The following KIRREL1 variants were observed in gnomAD, a reference collection of about 807,000 sequenced individuals.
The protein encoded by KIRREL1 is kirre like nephrin family adhesion molecule 1, also known as kin of IRRE-like protein 1.
In KIRREL1, 25 loss-of-function variants were observed where a neutral mutation model predicts 83.3. The ratio of observed to expected loss-of-function variants is 0.30; its 90% CI spans 0.22 to 0.42. The LOEUF (loss-of-function observed/expected upper bound fraction) is 0.42. Ranked by LOEUF, KIRREL1 falls within the 10% of genes least tolerant of loss-of-function variation. KIRREL1 has a pLI of 1.00. For missense variants in KIRREL1, 812 were observed against 1,032.3 expected (o/e 0.79, Z 2.92); for synonymous variants, 388 against 410.4 (o/e 0.95, Z 0.66).
At chr1:158,058,125 G>A (rs977653309) in intron 1 of KIRREL1, among the ~76,000 whole-genome samples, 5 of 152,278 alleles carry the variant, frequency 3.3e-5, no homozygotes, top group African/African-American at 1.2e-4. Context: ...TGTGGCCTGC[G>A]GGTCTGGTCC....
rs1169855195 is a variant in KIRREL1, at chr1:158,097,341, T to C, written c.*2221T>C. On this transcript the variant is annotated 3_prime_UTR_variant, in exon 15 of 15. Transcript: ENST00000359209. ...CATGCATATTCCAAAAAGAATTCATTTTTGTTTTGGGTTTGGCTAGATTCT... is the reference window on the plus strand; with the variant it reads ...CATGCATATTCCAAAAAGAATTCATCTTTGTTTTGGGTTTGGCTAGATTCT... The C allele has an allele frequency of 3.3e-6, 1 of 304,626 alleles. No homozygotes were observed. The highest frequency in any genetic ancestry group is 9.1e-5 in the East Asian group (1 of 11,010). 18.9% of individuals were successfully genotyped at this position (304,626 alleles called of 1,614,324 possible). A position where few individuals can be genotyped will look rare whatever the true frequency, so the allele number is the denominator to read the frequency against.
At position 158,095,146 on chromosome 1, in the gene KIRREL1, C is replaced by T. The variant is rs1662323283; in HGVS notation, c.*26C>T. 1 of 1,501,894 alleles carries T rather than the reference C, an allele frequency of 6.7e-7. No individual in the cohort carries two copies. The highest frequency in any genetic ancestry group is 9.1e-7 in the Non-Finnish European group (1 of 1,098,370). 93.0% of individuals were successfully genotyped at this position (1,501,894 alleles called of 1,614,324 possible). On this transcript the variant is annotated 3_prime_UTR_variant, in exon 15 of 15. Transcript: ENST00000359209. ...GGGCCAGAGCCTGGCTGGGGCATCTCTGCGGGGCAGAGGAGAAGGCTTTCA... is the reference window on the plus strand; with the variant it reads ...GGGCCAGAGCCTGGCTGGGGCATCTTTGCGGGGCAGAGGAGAAGGCTTTCA...
At chr1:158,090,387 C>T (rs1405931273) in intron 10 of KIRREL1, among the ~76,000 whole-genome samples, 2 of 152,152 alleles carry the variant, frequency 1.3e-5, no homozygotes, top group Non-Finnish European at 2.9e-5. Flanking sequence ...TTTCTCCTCT[C>T]CCCCACACCA....
At chr1:158,087,688 T>A (rs759378002) in intron 5 of KIRREL1, 67 bp from the exon 6 acceptor site, 1 of 1,118,432 alleles carries the variant, frequency 8.9e-7, no homozygotes, top group Non-Finnish European at 1.3e-6. Flanking sequence ...TGAATGTACG[T>A]GTTAGGGAGG....
chr1:158,024,395 C>T (rs111865064), intron 1 of KIRREL1, among the ~76,000 whole-genome samples: 9 of 150,792 alleles, frequency 6.0e-5, no homozygotes, highest in African/African-American at 2.0e-4. Flanking sequence ...TTTCCTGCCT[C>T]GACCTCCCTA....
Position 158,095,221 on chromosome 1 carries a change from C to T in KIRREL1, c.*101C>T. The T allele has an allele frequency of 1.1e-6, 1 of 873,224 alleles. No individual in the cohort carries two copies. Among genetic ancestry groups the T allele is most frequent in the Non-Finnish European group, 1.7e-6 (1 of 581,486 alleles). 54.1% of individuals were successfully genotyped at this position (873,224 alleles called of 1,614,324 possible). A position where few individuals can be genotyped will look rare whatever the true frequency, so the allele number is the denominator to read the frequency against. On this transcript the variant is annotated 3_prime_UTR_variant, in exon 15 of 15. Transcript: ENST00000359209. The stretch of plus-strand genomic sequence containing the variant: ...CATTGCTCATTGCTCCCTTCTCGGA[C>T]CAGCCTTCTTCCTCCCACCATGGCA...
rs948236127 is a variant in KIRREL1, at chr1:158,099,104, C to G, written c.*3984C>G. 4 of 152,286 alleles carry G rather than the reference C, an allele frequency of 2.6e-5. No homozygotes were observed. Among genetic ancestry groups the G allele is most frequent in the Non-Finnish European group, 5.9e-5 (4 of 68,086 alleles). 9.4% of individuals were successfully genotyped at this position (152,286 alleles called of 1,614,324 possible). ...GAACTCCAGTTCCTCCCCAAGCACC[C>G]TGGCCTCAGAAATCCTGGCTTCCCC... On this transcript the variant is annotated 3_prime_UTR_variant, in exon 15 of 15. Transcript: ENST00000359209.
rs752185745 is a variant in KIRREL1, at chr1:158,087,772, C to G, written c.679C>G (p.Leu227Val). 43 of 1,613,780 alleles carry G rather than the reference C, an allele frequency of 2.7e-5. No homozygotes were observed. The highest frequency in any genetic ancestry group is 3.6e-5 in the Non-Finnish European group (43 of 1,179,856). The change falls in exon 6 of 15, where the codon CTG becomes GTG. Residue 227 changes from leucine to valine, a missense_variant. Around this residue, in one of 3 missense-constraint regions of KIRREL1, gnomAD observed 472 missense variants for 626.8 expected, o/e 0.75. Coordinates refer to ENST00000359209, the MANE Select transcript of KIRREL1 (RefSeq NM_018240.7). ...LDVHHPPTVT[L>V]SIEPQTVQEG... ...CTTTGCAGACCCTCCTACAGTGACC[C>G]TGTCCATTGAGCCACAGACGGTGCA...
chr1:158,044,941 G>A (rs569211054), intron 1 of KIRREL1, among the ~76,000 whole-genome samples: 3 of 152,334 alleles, frequency 2.0e-5, no homozygotes, highest in Non-Finnish European at 2.9e-5. Context: ...AGGGGAATCC[G>A]GAGTCTGGTG....
At chr1:158,044,742 G>A (rs917515737) in intron 1 of KIRREL1, among the ~76,000 whole-genome samples, 6 of 152,048 alleles carry the variant, frequency 3.9e-5, no homozygotes, top group Non-Finnish European at 5.9e-5. Flanking sequence ...CAAGTGATCC[G>A]CTCATCCCAA....
At chr1:158,064,798 T>A (rs1452934832) in intron 1 of KIRREL1, among the ~76,000 whole-genome samples, 1 of 151,810 alleles carries the variant, frequency 6.6e-6, no homozygotes, top group Non-Finnish European at 1.5e-5. Context: ...CCAGGGAGGG[T>A]TGATGTCTAC....
chr1:158,014,802 C>A (rs866849271), intron 1 of KIRREL1, among the ~76,000 whole-genome samples: 1 of 151,842 alleles, frequency 6.6e-6, no homozygotes, highest in African/African-American at 2.4e-5. Context: ...ATACGACAGG[C>A]AAGGCCCACC....
chr1:158,030,095 C>G (rs528498014), intron 1 of KIRREL1, among the ~76,000 whole-genome samples: 1 of 152,188 alleles, frequency 6.6e-6, no homozygotes, highest in East Asian at 1.9e-4. Flanking sequence ...GAAATTGAAG[C>G]CCAGAGAGAT....
chr1:158,019,729 C>A (rs779500326), intron 1 of KIRREL1, among the ~76,000 whole-genome samples: 1 of 152,100 alleles, frequency 6.6e-6, no homozygotes, highest in Non-Finnish European at 1.5e-5. Flanking sequence ...CTGAGCTTAA[C>A]CGCAGAGCAA....
chr1:158,084,635 C>T, intron 4 of KIRREL1, 56 bp downstream of exon 4: 2 of 1,525,550 alleles, frequency 1.3e-6, no homozygotes, highest in Non-Finnish European at 1.8e-6. Context: ...CTCACCTCTC[C>T]TTTCCCACAG....
chr1:158,034,884 T>C (rs1250100144), intron 1 of KIRREL1, among the ~76,000 whole-genome samples: 1 of 152,220 alleles, frequency 6.6e-6, no homozygotes, highest in Non-Finnish European at 1.5e-5. Flanking sequence ...TGCTACCAGA[T>C]ATAAATGTGT....
rs1480325575 is a variant in KIRREL1 at position 158,096,840 on chromosome 1, C to A, written c.*1720C>A. On this transcript the variant is annotated 3_prime_UTR_variant, in exon 15 of 15. Transcript: ENST00000359209. ...TGTCCAGCCCAGTGGGAGACAGGGC[C>A]TCTGGTGCAGTTCCCAAAATGTTCC... The A allele has an allele frequency of 2.2e-6, 1 of 456,618 alleles. No individual in the cohort carries two copies. The highest frequency in any genetic ancestry group is 4.4e-6 in the Non-Finnish European group (1 of 226,990). 28.3% of individuals were successfully genotyped at this position (456,618 alleles called of 1,614,324 possible). A position where few individuals can be genotyped will look rare whatever the true frequency, so the allele number is the denominator to read the frequency against.
rs768592003 is a variant in KIRREL1, at chr1:158,084,404, C to T, written c.353-18C>T. 3.9e-6 allele frequency: 6 copies of T among 1,544,654 alleles called. No homozygotes were observed. The highest frequency in any genetic ancestry group is 4.4e-6 in the Non-Finnish European group (5 of 1,142,610). ...TTAGCCACACCCTGCACTGACTTTG[C>T]TCTGCTTTCTCCCACAGTCCCCCCA... On this transcript the variant is annotated intron_variant, in intron 3 of 14. Transcript: ENST00000359209.
rs904101733 is a variant in KIRREL1 at position 158,026,431 on chromosome 1, T to A, written c.52+32703T>A. 2.6e-5 allele frequency among the ~76,000 whole-genome samples: 4 copies of A among 152,050 alleles called. No homozygotes were observed. The South Asian group carries it at 8.3e-4, about 32-fold the overall frequency. Reference sequence around the variant, plus strand: ...GGAGGACCCACCACTGTTAACCTAATGAGAACATGCAGGAGATGGGGACAG... The same window carrying A: ...GGAGGACCCACCACTGTTAACCTAAAGAGAACATGCAGGAGATGGGGACAG... On this transcript the variant is annotated intron_variant, in intron 1 of 14. Transcript: ENST00000359209.
Sources: gnomAD v4.1 joint callset for allele counts (sites outside exome capture counted in the v4.1 genomes callset) on GRCh38, gnomAD v4.1.1 for gene constraint, gnomAD v4.1.1 regional missense constraint, MANE v1.5 for transcripts, NCBI Gene and HGNC (gene_info 2026-07-23, HGNC 2026-07-21) for gene names.